Variants in FARP1 observed in about 807,000 individuals in gnomAD.
The protein encoded by FARP1 is FERM, ARHGEF and pleckstrin domain-containing protein 1.
A neutral mutation model predicts 128.8 loss-of-function variants in FARP1; 52 were observed. The ratio of observed to expected loss-of-function variants is 0.40; its 90% CI spans 0.32 to 0.51. The LOEUF is 0.51. Ranked by LOEUF, FARP1 falls within the 20% of genes least tolerant of loss-of-function variation. The pLI, the probability that FARP1 is intolerant of heterozygous loss-of-function variation, is 0.45. For missense variants in FARP1, 1,333 were observed against 1,367.9 expected (o/e 0.97, Z 0.40); for synonymous variants, 580 against 551.8 (o/e 1.05, Z -0.72).
At chr13:98,409,244 C>A in intron 13 of FARP1, 94 bp from the exon 14 acceptor site, 2 of 1,030,568 alleles carry the variant, frequency 1.9e-6, no homozygotes, top group South Asian at 1.8e-5. Context: ...GTAGTCAAAT[C>A]TTACGATTTG....
intron 13 of FARP1, chr13:98,403,648 T>G (rs1890859526): frequency 6.6e-6 from 1 of 152,086 alleles, no homozygotes; most frequent in Non-Finnish European, 1.5e-5. Flanking sequence ...AACATGTAGG[T>G]TCTCACAGAT....
intron 2 of FARP1, among the ~76,000 whole-genome samples, chr13:98,279,025 T>C (rs7324193): frequency 0.076 from 11,086 of 146,642 alleles, 889 homozygotes; most frequent in African/African-American, 0.21. Context: ...TTAGTAGAAA[T>C]GGGGTTTCAC....
chr13:98,183,579 C>T (rs115860677), intron 1 of FARP1, among the ~76,000 whole-genome samples: 479 of 152,240 alleles, frequency 3.1e-3, no homozygotes, highest in African/African-American at 0.011. Context: ...TTCTGAACAG[C>T]GGGCACTGCA....
intron 3 of FARP1, among the ~76,000 whole-genome samples, chr13:98,345,298 C>T (rs1888132890): frequency 6.6e-6 from 1 of 152,182 alleles, no homozygotes; most frequent in South Asian, 2.1e-4. Flanking sequence ...CAGAAATCGG[C>T]AGCAGTGTTT....
rs1452380059 is a variant in FARP1 at position 98,449,084 on chromosome 13, A to ATAAT, written c.*768_*771dup. On this transcript the variant is annotated 3_prime_UTR_variant, in exon 27 of 27. Coordinates refer to ENST00000319562, the MANE Select transcript of FARP1 (RefSeq NM_005766.4). Reference sequence around the variant, plus strand: ...TGTGAGTGGTGTACACAATGGGAAGATAATAAGCCGTGGTGTTTTGCTGTC... The same window carrying ATAAT: ...TGTGAGTGGTGTACACAATGGGAAGATAATTAATAAGCCGTGGTGTTTTGCTGTC... The ATAAT allele has an allele frequency of 1.3e-5, 2 of 152,236 alleles. No individual in the cohort carries two copies. The highest frequency in any genetic ancestry group is 4.8e-5 in the African/African-American group (2 of 41,452). The allele number at this position is 152,236 out of a possible 1,614,324, so 9.4% of individuals were successfully genotyped here.
chr13:98,330,496 C>T (rs1267097460), intron 2 of FARP1, among the ~76,000 whole-genome samples: 2 of 151,988 alleles, frequency 1.3e-5, no homozygotes, highest in Non-Finnish European at 2.9e-5. Flanking sequence ...GGCATGGTGG[C>T]TCACTCCCAG....
chr13:98,163,713 C>CTT (rs11440645), intron 1 of FARP1, among the ~76,000 whole-genome samples: 76 of 143,934 alleles, frequency 5.3e-4, no homozygotes, highest in Admixed American at 9.0e-4. Flanking sequence ...ATGGCCTTTT[C>CTT]TTTTTTTTTT....
At chr13:98,412,539 C>T (rs1891231738) in intron 16 of FARP1, among the ~76,000 whole-genome samples, 1 of 152,222 alleles carries the variant, frequency 6.6e-6, no homozygotes, top group Admixed American at 6.5e-5. Flanking sequence ...TCATAAGGAT[C>T]TGTTTTAATA....
In FARP1 at chr13:98,256,948, G is replaced by GGTATATATAT. The variant is rs59128917; in HGVS notation, c.171+43535_171+43536insGTATATATAT. Among the ~76,000 whole-genome samples the GGTATATATAT allele has an allele frequency of 1.6e-3, 123 of 77,090 alleles. 25 individuals are homozygous for GGTATATATAT. Among genetic ancestry groups the GGTATATATAT allele is most frequent in the Non-Finnish European group, 2.3e-3 (86 of 37,088 alleles). The allele number at this position is 77,090 out of a possible 152,430, so 50.6% of individuals were successfully genotyped here. On this transcript the variant is annotated intron_variant, in intron 2 of 26. Coordinates refer to ENST00000319562, the MANE Select transcript of FARP1 (RefSeq NM_005766.4). ...CAATAATTTTCAAAGTATATATGTG[G>GGTATATATAT]ATATATATATATATATATATATATA...
intron 1 of FARP1, among the ~76,000 whole-genome samples, chr13:98,157,515 C>A (rs1479295886): frequency 6.6e-6 from 1 of 152,142 alleles, no homozygotes; most frequent in Non-Finnish European, 1.5e-5. Context: ...CCAGCGTGGA[C>A]CCTCCGTGCT....
At chr13:98,226,942 T>C (rs1881813364) in intron 2 of FARP1, among the ~76,000 whole-genome samples, 1 of 152,042 alleles carries the variant, frequency 6.6e-6, no homozygotes, top group African/African-American at 2.4e-5. Flanking sequence ...TTTCTTTCTT[T>C]CTTTCTTTTT....
At chr13:98,381,032 A>G (rs1300292051) in intron 6 of FARP1, among the ~76,000 whole-genome samples, 1 of 152,228 alleles carries the variant, frequency 6.6e-6, no homozygotes, top group East Asian at 1.9e-4. Context: ...TTTTCCCCCC[A>G]GAAACCAGCA....
At chr13:98,240,245 G>A (rs536289012) in intron 2 of FARP1, among the ~76,000 whole-genome samples, 3 of 152,292 alleles carry the variant, frequency 2.0e-5, no homozygotes, top group Non-Finnish European at 4.4e-5. Flanking sequence ...AAAGGAACAC[G>A]CGATGACGAA....
At chr13:98,440,378 T>G in intron 23 of FARP1, 143 bp downstream of exon 23, 1 of 691,828 alleles carries the variant, frequency 1.4e-6, no homozygotes, top group Non-Finnish European at 2.5e-6. Context: ...AGACAGTTCT[T>G]TTTCCTAAAA....
intron 6 of FARP1, chr13:98,384,130 G>C (rs1889998135): frequency 6.7e-6 from 1 of 148,990 alleles, no homozygotes; most frequent in Non-Finnish European, 1.5e-5. Context: ...CAGGCGGATG[G>C]GGAGAAAAGA....
chr13:98,423,633 G>A (rs1043705842), intron 16 of FARP1, among the ~76,000 whole-genome samples: 12 of 152,170 alleles, frequency 7.9e-5, no homozygotes, highest in African/African-American at 2.9e-4. Context: ...TGGCTCCTGT[G>A]CGAGTTCACA....
chr13:98,278,992 A>ATTTTTTTTTTTTTTT (rs34010258), intron 2 of FARP1, among the ~76,000 whole-genome samples: 4 of 137,764 alleles, frequency 2.9e-5, no homozygotes, highest in African/African-American at 1.1e-4. Flanking sequence ...CGCCCTGCTA[A>ATTTTTTTTTTTTTTT]TTTTTTTTTT....
At chr13:98,448,095 G>C (rs552672648) in intron 26 of FARP1, 141 bp from the exon 27 acceptor site, 2 of 705,130 alleles carry the variant, frequency 2.8e-6, no homozygotes, top group Admixed American at 2.1e-5. Context: ...GGTGCTGGCT[G>C]TTCCCTTGCT....
intron 1 of FARP1, among the ~76,000 whole-genome samples, chr13:98,144,833 T>C (rs1875398717): frequency 6.6e-6 from 1 of 152,204 alleles, no homozygotes; most frequent in African/African-American, 2.4e-5. Context: ...ATCCTATCTT[T>C]GGCTTTCTCC....
Sources: allele counts gnomAD v4.1 joint callset (sites outside exome capture counted in the v4.1 genomes callset), GRCh38; gene constraint gnomAD v4.1.1; transcripts MANE v1.5; gene names NCBI Gene and HGNC (gene_info 2026-07-23, HGNC 2026-07-21).